Variants in AGAP1 observed in about 807,000 individuals in gnomAD.
AGAP1 encodes the protein ArfGAP with GTPase domain, ankyrin repeat and PH domain 1.
A neutral mutation model predicts 105.3 loss-of-function variants in AGAP1; 29 were observed. That is an observed-to-expected ratio of 0.28 (90% CI 0.21 to 0.38). The LOEUF is 0.38. Ranked by LOEUF, AGAP1 falls within the 10% of genes least tolerant of loss-of-function variation. The pLI is 1.00. For synonymous variants in AGAP1, 509 were observed against 485.9 expected (o/e 1.05, Z -0.63); for missense variants, 998 against 1,165.1 (o/e 0.86, Z 2.09).
rs1323479511 is a variant in AGAP1 at position 235,550,188 on chromosome 2, C to T, written c.163+55339C>T. Among the ~76,000 whole-genome samples the T allele has an allele frequency of 2.6e-5, 4 of 152,172 alleles. No homozygotes were observed. Among genetic ancestry groups the T allele is most frequent in the African/African-American group, 9.7e-5 (4 of 41,448 alleles). On this transcript the variant is annotated intron_variant, in intron 1 of 17. Transcript: ENST00000304032. The surrounding 1 kb of genome is among the most constrained non-coding windows in gnomAD (Gnocchi z 4.6). ...CTCCCAGCACCCGTGGCAGTCTTAG[C>T]AGGTGGATTATCACCGAGCACACAG...
chr2:235,807,832 A>G (rs188629598), intron 9 of AGAP1, among the ~76,000 whole-genome samples: 1 of 152,286 alleles, frequency 6.6e-6, no homozygotes, highest in Admixed American at 6.5e-5. Context: ...TAATTTGCTA[A>G]TGAAGGAATT....
chr2:235,588,875 G>C (rs148855950), intron 1 of AGAP1, among the ~76,000 whole-genome samples: 8 of 152,086 alleles, frequency 5.3e-5, no homozygotes, highest in Non-Finnish European at 1.2e-4. Flanking sequence ...AGAATCTTCC[G>C]GCTGGGAAAG....
intron 1 of AGAP1, among the ~76,000 whole-genome samples, chr2:235,564,528 G>A (rs887374415): frequency 1.3e-5 from 2 of 152,216 alleles, no homozygotes; most frequent in African/African-American, 4.8e-5. Flanking sequence ...TTTTCATCCA[G>A]TTCACATGTA....
chr2:235,659,386 C>T lies in AGAP1; in HGVS notation c.164-49793C>T, dbSNP rs997571494. ...TTGTATCTGAGTGAGTAGCGTCCTC[C>T]TTAAGCATTGGCTTTGGTGCACTGG... On this transcript the variant is annotated intron_variant, in intron 1 of 17. Coordinates refer to ENST00000304032, the MANE Select transcript of AGAP1 (RefSeq NM_001037131.3). The surrounding 1 kb of genome is among the most constrained non-coding windows in gnomAD (Gnocchi z 5.0). Among the ~76,000 whole-genome samples the T allele has an allele frequency of 6.6e-6, 1 of 152,218 alleles. No individual in the cohort carries two copies. Among genetic ancestry groups the T allele is most frequent in the African/African-American group, 2.4e-5 (1 of 41,454 alleles).
At chr2:235,861,938 A>C (rs532779048) in intron 9 of AGAP1, among the ~76,000 whole-genome samples, 2 of 152,242 alleles carry the variant, frequency 1.3e-5, no homozygotes, top group Non-Finnish European at 2.9e-5. Context: ...TGGGAGGAAG[A>C]GAACCATTGG....
chr2:235,852,084 C>CT (rs1004143085), intron 9 of AGAP1, among the ~76,000 whole-genome samples: 1 of 152,150 alleles, frequency 6.6e-6, no homozygotes, highest in African/African-American at 2.4e-5. Context: ...AAAAGAAGGT[C>CT]AGGCCTGTCC....
At position 236,050,427 on chromosome 2, in the gene AGAP1, C is replaced by A. The variant is rs887880692; in HGVS notation, c.2114+1146C>A. Reference sequence around the variant, plus strand: ...TGTTTAAAATTGCATGGTTTTGATACGCGACCTCTTTATGAGTTATGCTCT... The same window carrying A: ...TGTTTAAAATTGCATGGTTTTGATAAGCGACCTCTTTATGAGTTATGCTCT... On this transcript the variant is annotated intron_variant, in intron 16 of 17. Coordinates refer to ENST00000304032, the MANE Select transcript of AGAP1 (RefSeq NM_001037131.3). The surrounding 1 kb of genome is among the most constrained non-coding windows in gnomAD (Gnocchi z 4.0). Among the ~76,000 whole-genome samples the A allele has an allele frequency of 2.0e-5, 3 of 152,276 alleles. No individual in the cohort carries two copies. Among genetic ancestry groups the A allele is most frequent in the South Asian group, 2.1e-4 (1 of 4,822 alleles).
intron 9 of AGAP1, among the ~76,000 whole-genome samples, chr2:235,817,015 C>T (rs1297717111): frequency 1.3e-5 from 2 of 152,044 alleles, no homozygotes; most frequent in African/African-American, 4.8e-5. Context: ...CGTGTAGGAA[C>T]TTGGACTGTG....
rs57956154 is a variant in AGAP1, at chr2:235,728,905, G to A, written c.310+11261G>A. Among the ~76,000 whole-genome samples the A allele has an allele frequency of 6.6e-6, 1 of 152,156 alleles. No homozygotes were observed. Among genetic ancestry groups the A allele is most frequent in the Non-Finnish European group, 1.5e-5 (1 of 68,036 alleles). ...GTTTGGAGCCTGGACGAGAGCAGGG[G>A]TTGTGGAGGAATGGTCAAAACCCAG... On this transcript the variant is annotated intron_variant, in intron 3 of 17. Coordinates refer to ENST00000304032, the MANE Select transcript of AGAP1 (RefSeq NM_001037131.3). This position sits in a 1 kb window ranked among gnomAD's most constrained non-coding sequence, Gnocchi z 4.3.
chr2:235,534,858 G>A (rs1943159594), intron 1 of AGAP1, among the ~76,000 whole-genome samples: 1 of 152,152 alleles, frequency 6.6e-6, no homozygotes. Context: ...AGCTGTCAGG[G>A]TATCTCGTTG....
At chr2:235,943,721 T>C (rs1304299288) in intron 12 of AGAP1, among the ~76,000 whole-genome samples, 1 of 152,100 alleles carries the variant, frequency 6.6e-6, no homozygotes, top group African/African-American at 2.4e-5. Context: ...AGAGTGGTGT[T>C]TAAAATGAAC....
Position 235,565,672 on chromosome 2 carries a change from T to C in AGAP1, c.163+70823T>C, listed in dbSNP as rs974492413. Among the ~76,000 whole-genome samples, 5 of 152,106 alleles carry C rather than the reference T, an allele frequency of 3.3e-5. No individual in the cohort carries two copies. The South Asian group carries it at 1.0e-3, about 32-fold the overall frequency. ...CATTGACATTAAAAGACTTTTTGTA[T>C]TTTTTTTGAGACAGGGTCGGCTCTG... On this transcript the variant is annotated intron_variant, in intron 1 of 17. Coordinates refer to ENST00000304032, the MANE Select transcript of AGAP1 (RefSeq NM_001037131.3).
chr2:235,885,477 A>G (rs1026735249), intron 10 of AGAP1, among the ~76,000 whole-genome samples: 5 of 152,130 alleles, frequency 3.3e-5, no homozygotes, highest in Non-Finnish European at 7.3e-5. Context: ...ATTCCTAGCA[A>G]TTGGCTTCCT....
intron 1 of AGAP1, among the ~76,000 whole-genome samples, chr2:235,618,565 A>G (rs1348048642): frequency 1.3e-5 from 2 of 152,212 alleles, no homozygotes; most frequent in African/African-American, 4.8e-5. Flanking sequence ...GGATTTATAG[A>G]TGAAAAGGCT....
chr2:235,616,962 A>AT lies in AGAP1; in HGVS notation c.164-92205dup, dbSNP rs879809086. 8.3e-3 allele frequency among the ~76,000 whole-genome samples: 1,175 copies of AT among 141,346 alleles called. 15 individuals are homozygous for AT. Among genetic ancestry groups the AT allele is most frequent in the African/African-American group, 0.028 (1,087 of 38,400 alleles). 92.7% of individuals were successfully genotyped at this position (141,346 alleles called of 152,430 possible). A position where few individuals can be genotyped will look rare whatever the true frequency, so the allele number is the denominator to read the frequency against. ...AAACGTGCATCTTTAAATTTTTTTTATTTTTTTTTTTTAAGCTTGGAAAGA... is the reference window on the plus strand; with the variant it reads ...AAACGTGCATCTTTAAATTTTTTTTATTTTTTTTTTTTTAAGCTTGGAAAGA... On this transcript the variant is annotated intron_variant, in intron 1 of 17. Coordinates refer to ENST00000304032, the MANE Select transcript of AGAP1 (RefSeq NM_001037131.3).
chr2:235,671,398 C>G (rs1471817892), intron 1 of AGAP1, among the ~76,000 whole-genome samples: 3 of 152,200 alleles, frequency 2.0e-5, no homozygotes, highest in Non-Finnish European at 2.9e-5. Context: ...GCCCGCGACA[C>G]CTGTGGGGCC....
At chr2:235,914,295 G>T (rs780613554) in intron 11 of AGAP1, among the ~76,000 whole-genome samples, 1 of 152,094 alleles carries the variant, frequency 6.6e-6, no homozygotes, top group Non-Finnish European at 1.5e-5. Flanking sequence ...TGTGCCATTC[G>T]TCTCCATTGT....
intron 16 of AGAP1, among the ~76,000 whole-genome samples, chr2:236,093,397 T>G (rs1227032777): frequency 2.0e-5 from 3 of 152,176 alleles, no homozygotes; most frequent in Non-Finnish European, 4.4e-5. Context: ...GACTCGGTAG[T>G]GGAACAACTC....
rs6760955 is a variant in AGAP1 at position 235,808,020 on chromosome 2, T to C, written c.1050+689T>C. Among the ~76,000 whole-genome samples the C allele has an allele frequency of 5.2e-3, 790 of 151,100 alleles. 7 individuals carry two copies. Among genetic ancestry groups the C allele is most frequent in the African/African-American group, 0.018 (743 of 41,358 alleles). On this transcript the variant is annotated intron_variant, in intron 9 of 17. Transcript: ENST00000304032. Reference sequence around the variant, plus strand: ...TTTCATTAGCCCAGAAACCAGATTCTAAATCACTTTATATCTCCAATAAGA... The same window carrying C: ...TTTCATTAGCCCAGAAACCAGATTCCAAATCACTTTATATCTCCAATAAGA...
Sources: allele counts gnomAD v4.1 joint callset (sites outside exome capture counted in the v4.1 genomes callset), GRCh38; gene constraint gnomAD v4.1.1; non-coding constraint Gnocchi (gnomAD v3.1); transcripts MANE v1.5; gene names NCBI Gene and HGNC (gene_info 2026-07-23, HGNC 2026-07-21).